Variants in EEF1E1 observed in about 807,000 individuals in gnomAD.
The protein encoded by EEF1E1 is eukaryotic translation elongation factor 1 epsilon-1.
In EEF1E1, 19 loss-of-function variants were observed where a neutral mutation model predicts 19.9. That is an observed-to-expected ratio of 0.95 (90% confidence interval 0.66 to 1.40). The LOEUF (loss-of-function observed/expected upper bound fraction) is 1.40. Among genes scored for constraint, EEF1E1 ranks in the 40% most tolerant of loss-of-function variants. The probability of loss-of-function intolerance (pLI) is 0.00; values close to 1 mark genes in which losing one functional copy is unlikely to be tolerated. For missense variants in EEF1E1, 198 were observed against 202.2 expected (o/e 0.98, Z 0.13); for synonymous variants, 81 against 80.0 (o/e 1.01, Z -0.07).
At chr6:8,077,874 C>T (rs375596434), downstream of EEF1E1, among the ~76,000 whole-genome samples, 384 of 152,322 alleles carry the variant, frequency 2.5e-3, 5 homozygotes, top group African/African-American at 8.9e-3. Context: ...TCACTGCAAC[C>T]TCAACCTCCC....
chr6:8,098,396 G>T (rs1188720675), intron 1 of EEF1E1, among the ~76,000 whole-genome samples: 4 of 152,102 alleles, frequency 2.6e-5, no homozygotes, highest in Admixed American at 6.5e-5. Context: ...AGGATTACAA[G>T]CGTGAGCCAC....
At chr6:8,085,927 A>G (rs781596794) in intron 3 of EEF1E1, among the ~76,000 whole-genome samples, 7 of 152,188 alleles carry the variant, frequency 4.6e-5, no homozygotes, top group Non-Finnish European at 7.4e-5. Context: ...AATTTCTTCA[A>G]TAAGATTAAT....
At chr6:8,074,212 A>C (rs1284692044) in intron 3 of EEF1E1, among the ~76,000 whole-genome samples, 1 of 152,204 alleles carries the variant, frequency 6.6e-6, no homozygotes, top group Non-Finnish European at 1.5e-5. Context: ...GATGCTTCAC[A>C]CCAAAGGTGG....
chr6:8,095,028 T>C (rs1758127109), intron 2 of EEF1E1, among the ~76,000 whole-genome samples: 1 of 152,312 alleles, frequency 6.6e-6, no homozygotes, highest in Admixed American at 6.5e-5. Flanking sequence ...CTATTAGCAA[T>C]TGAGTTTTTG....
chr6:8,074,552 A>G (rs1286848357), downstream of EEF1E1, among the ~76,000 whole-genome samples: 1 of 152,208 alleles, frequency 6.6e-6, no homozygotes, highest in Non-Finnish European at 1.5e-5. Flanking sequence ...ATCAGGGGCC[A>G]GGGGTGGGAC....
intron 2 of EEF1E1, 65 bp from the exon 3 acceptor site, chr6:8,090,346 T>C (rs997962056): frequency 8.7e-7 from 1 of 1,154,510 alleles, no homozygotes; most frequent in Non-Finnish European, 1.1e-6. Flanking sequence ...TTAATTATCA[T>C]ATCATGACTT....
In EEF1E1 at chr6:8,079,736, T is replaced by C; in HGVS notation, c.*154A>G. Reference sequence around the variant, plus strand: ...TGCAAAACTTCAGCTAAAGAACAAATAAAACATTCAGACACAAGTTTACAC... The same window carrying C: ...TGCAAAACTTCAGCTAAAGAACAAACAAAACATTCAGACACAAGTTTACAC... On this transcript the variant is annotated 3_prime_UTR_variant, in exon 4 of 4. Transcript: ENST00000379715. The C allele has an allele frequency of 7.8e-7, 1 of 1,289,704 alleles. No homozygotes were observed. The highest frequency in any genetic ancestry group is 1.5e-5 in the African/African-American group (1 of 67,592). The allele number at this position is 1,289,704 out of a possible 1,614,324, so 79.9% of individuals were successfully genotyped here.
intron 3 of EEF1E1, among the ~76,000 whole-genome samples, chr6:8,086,315 A>G (rs1270896717): frequency 6.6e-6 from 1 of 152,154 alleles, no homozygotes; most frequent in African/African-American, 2.4e-5. Flanking sequence ...TTCTGGTTAC[A>G]ATCCCTGTCT....
downstream of EEF1E1, chr6:8,078,730 T>C: frequency 7.8e-7 from 1 of 1,285,568 alleles, no homozygotes; most frequent in Non-Finnish European, 1.0e-6. Flanking sequence ...AACAAAACAA[T>C]CATGATTTGC....
Position 8,089,027 on chromosome 6 carries a change from T to C in EEF1E1, c.384+1159A>G, listed in dbSNP as rs148770725. 6.2e-3 allele frequency among the ~76,000 whole-genome samples: 940 copies of C among 151,624 alleles called. 15 individuals are homozygous for C. The highest frequency in any genetic ancestry group is 0.021 in the African/African-American group (875 of 41,280). On this transcript the variant is annotated intron_variant, in intron 3 of 3. Transcript: ENST00000379715. ...CATTTTTAGTGGCAGTAATCTACAG[T>C]GTTGTAATTTCTCCAGTAGAGCTCA...
exon 4 of EEF1E1, chr6:8,073,365 T>A: frequency 6.9e-7 from 1 of 1,441,144 alleles, no homozygotes; most frequent in Non-Finnish European, 9.3e-7. Context: ...ACAAGTTAAT[T>A]AAGCAGAATT....
In EEF1E1 at chr6:8,099,781, CACACACACACA is replaced by C. The variant is rs1270029467; in HGVS notation, c.88-2325_88-2315del. 5.9e-5 allele frequency among the ~76,000 whole-genome samples: 6 copies of C among 102,142 alleles called. No homozygotes were observed. The South Asian group carries it at 1.2e-3, about 21-fold the overall frequency. The allele number at this position is 102,142 out of a possible 152,430, so 67.0% of individuals were successfully genotyped here. On this transcript the variant is annotated intron_variant, in intron 1 of 3. Coordinates refer to ENST00000379715, the MANE Select transcript of EEF1E1 (RefSeq NM_004280.5). ...ACACACACACACACACACACACACACACACACACACAAAAAAAAAACAGAACCCTCTATAAT... is the reference window on the plus strand; with the variant it reads ...ACACACACACACACACACACACACACAAAAAAAAACAGAACCCTCTATAAT...
At chr6:8,083,691 T>C (rs988246262) in intron 3 of EEF1E1, among the ~76,000 whole-genome samples, 1 of 152,192 alleles carries the variant, frequency 6.6e-6, no homozygotes, top group Non-Finnish European at 1.5e-5. Context: ...GACTCGAAGG[T>C]TCCTTGACTG....
At position 8,090,200 on chromosome 6, in the gene EEF1E1, G is replaced by C. The variant is rs75403779; in HGVS notation, c.370C>G (p.Leu124Val). 9 of 1,528,752 alleles carry C rather than the reference G, an allele frequency of 5.9e-6. No individual in the cohort carries two copies. In the East Asian group the frequency reaches 2.2e-4, roughly 38 times the overall value. 94.7% of individuals were successfully genotyped at this position (1,528,752 alleles called of 1,614,324 possible). ...TLADILLYYG[L>V]HRFIVDLTVQ... ...CAAATACTCACTATAAAGCGATGAA[G>C]TCCATAGTACAATAGTATATCTGCT... The change falls in exon 3 of 4, where the codon CTT becomes GTT. Residue 124 changes from leucine to valine, a missense_variant. By Grantham distance (32) the Leu-to-Val change is conservative. Transcript: ENST00000379715.
chr6:8,078,174 T>A (rs1002716512), downstream of EEF1E1, among the ~76,000 whole-genome samples: 15 of 152,354 alleles, frequency 9.8e-5, no homozygotes, highest in African/African-American at 3.6e-4. Context: ...TGACATGCAT[T>A]CCTCAAGAAG....
intron 2 of EEF1E1, among the ~76,000 whole-genome samples, chr6:8,096,034 A>T (rs1370098901): frequency 6.6e-6 from 1 of 152,216 alleles, no homozygotes; most frequent in Non-Finnish European, 1.5e-5. Context: ...GTCCAGCTCC[A>T]CATATATTTC....
At chr6:8,099,806 A>C (rs1758291522) in intron 1 of EEF1E1, among the ~76,000 whole-genome samples, 3 of 146,502 alleles carry the variant, frequency 2.0e-5, no homozygotes, top group Non-Finnish European at 3.0e-5. Context: ...AAAAAACAGA[A>C]CCCTCTATAA....
At chr6:8,094,810 T>C (rs2113660699) in intron 2 of EEF1E1, among the ~76,000 whole-genome samples, 1 of 152,262 alleles carries the variant, frequency 6.6e-6, no homozygotes, top group South Asian at 2.1e-4. Flanking sequence ...GCCTACTCAA[T>C]GTGAAGTGAA....
intron 2 of EEF1E1, among the ~76,000 whole-genome samples, chr6:8,094,094 C>T (rs904475439): frequency 7.9e-5 from 12 of 152,016 alleles, no homozygotes; most frequent in East Asian, 3.9e-4. Flanking sequence ...CCACCGCATG[C>T]GGCCTCAAAC....
Sources: allele counts gnomAD v4.1 joint callset (sites outside exome capture counted in the v4.1 genomes callset), GRCh38; gene constraint gnomAD v4.1.1; transcripts MANE v1.5; gene names NCBI Gene and HGNC (gene_info 2026-07-23, HGNC 2026-07-21).